CMTM8: variants seen among roughly 807,000 people sequenced by gnomAD.
CMTM8 encodes CKLF like MARVEL transmembrane domain containing 8, also known as CKLF-like MARVEL transmembrane domain-containing protein 8.
A neutral mutation model predicts 18.6 loss-of-function variants in CMTM8; 12 were observed. The observed-to-expected ratio is 0.65, with a 90% CI of 0.41 to 1.05. CMTM8 has a LOEUF of 1.05. Among genes scored for constraint, CMTM8 ranks in the 50% least tolerant of loss-of-function variants. CMTM8 has a pLI of 0.00. For synonymous variants in CMTM8, 87 were observed against 90.6 expected, an observed-to-expected ratio of 0.96 and a Z score of 0.23; for missense variants, 217 against 227.2, an observed-to-expected ratio of 0.95 and a Z score of 0.29.
At chr3:32,325,554 G>A (rs1395200539) in intron 1 of CMTM8, among the ~76,000 whole-genome samples, 1 of 152,094 alleles carries the variant, frequency 6.6e-6, no homozygotes, top group East Asian at 1.9e-4. Flanking sequence ...ACTATCTCAC[G>A]CCTCTGAGAG....
intron 1 of CMTM8, among the ~76,000 whole-genome samples, chr3:32,314,355 C>G (rs1559377365): frequency 6.6e-6 from 1 of 152,058 alleles, no homozygotes; most frequent in Non-Finnish European, 1.5e-5. Flanking sequence ...CCAGTGGCTG[C>G]TCTGCAGAAA....
chr3:32,279,861 G>A (rs1702579623), intron 1 of CMTM8, among the ~76,000 whole-genome samples: 1 of 143,172 alleles, frequency 7.0e-6, no homozygotes, highest in African/African-American at 2.6e-5. Context: ...ACTTTTTAAT[G>A]ATTGCCATTC....
chr3:32,247,795 C>T (rs1461305935), intron 1 of CMTM8, among the ~76,000 whole-genome samples: 1 of 152,214 alleles, frequency 6.6e-6, no homozygotes, highest in Non-Finnish European at 1.5e-5. Context: ...TTTGAAATGT[C>T]TTCCTACTGT....
chr3:32,363,969 A>G (rs1250098172), intron 2 of CMTM8, among the ~76,000 whole-genome samples: 3 of 152,172 alleles, frequency 2.0e-5, no homozygotes. Flanking sequence ...CCCAGACCCA[A>G]TCTCTTCTGT....
At chr3:32,318,819 A>C (rs968352740) in intron 1 of CMTM8, among the ~76,000 whole-genome samples, 1 of 151,078 alleles carries the variant, frequency 6.6e-6, no homozygotes, top group Non-Finnish European at 1.5e-5. Context: ...CACCCGCCTC[A>C]GCCTCCCAAA....
intron 2 of CMTM8, among the ~76,000 whole-genome samples, chr3:32,365,388 C>T (rs1181588767): frequency 6.6e-6 from 1 of 151,664 alleles, no homozygotes; most frequent in South Asian, 2.1e-4. Context: ...CTCCTCCCTT[C>T]CTCCAAAAAA....
At chr3:32,365,515 G>A (rs1247224742) in intron 2 of CMTM8, among the ~76,000 whole-genome samples, 1 of 151,980 alleles carries the variant, frequency 6.6e-6, no homozygotes, top group Non-Finnish European at 1.5e-5. Flanking sequence ...GCGTGATCTC[G>A]GCTCACTGCA....
chr3:32,317,525 A>C (rs925918416), intron 1 of CMTM8, among the ~76,000 whole-genome samples: 22 of 152,224 alleles, frequency 1.4e-4, no homozygotes, highest in Admixed American at 8.5e-4. Context: ...AAACTTTATG[A>C]AAGTCAGTTT....
chr3:32,292,314 A>G (rs1291356075), intron 1 of CMTM8, among the ~76,000 whole-genome samples: 1 of 152,204 alleles, frequency 6.6e-6, no homozygotes, highest in Admixed American at 6.5e-5. Flanking sequence ...CTCCTCTCGT[A>G]TAGATGCCTC....
intron 1 of CMTM8, among the ~76,000 whole-genome samples, chr3:32,299,136 G>A (rs1431460260): frequency 6.6e-6 from 1 of 151,600 alleles, no homozygotes; most frequent in African/African-American, 2.4e-5. Flanking sequence ...AAAGAGTCCT[G>A]ACGTATTTTC....
At chr3:32,305,463 A>G (rs571961433) in intron 1 of CMTM8, among the ~76,000 whole-genome samples, 1 of 152,330 alleles carries the variant, frequency 6.6e-6, no homozygotes, top group East Asian at 1.9e-4. Context: ...TTTTACTGAC[A>G]AATATGTGCA....
intron 1 of CMTM8, among the ~76,000 whole-genome samples, chr3:32,247,395 T>C (rs1179670760): frequency 6.6e-6 from 1 of 152,136 alleles, no homozygotes; most frequent in East Asian, 1.9e-4. Context: ...TCACTGCAAC[T>C]TCCGCCTCCC....
At chr3:32,279,911 G>A (rs912744817) in intron 1 of CMTM8, among the ~76,000 whole-genome samples, 2 of 150,036 alleles carry the variant, frequency 1.3e-5, no homozygotes, top group Non-Finnish European at 3.0e-5. Flanking sequence ...GTTTTGATTT[G>A]CATTTCTCTG....
At chr3:32,313,843 A>G (rs1575172019) in intron 1 of CMTM8, among the ~76,000 whole-genome samples, 1 of 152,216 alleles carries the variant, frequency 6.6e-6, no homozygotes, top group Admixed American at 6.5e-5. Flanking sequence ...TCACACGACC[A>G]GGAAAGATTA....
At chr3:32,363,575 G>C (rs142304918) in intron 2 of CMTM8, among the ~76,000 whole-genome samples, 2 of 152,222 alleles carry the variant, frequency 1.3e-5, no homozygotes, top group Non-Finnish European at 2.9e-5. Flanking sequence ...GCAGGAGACA[G>C]CCAGCAGCTC....
chr3:32,364,755 C>T (rs1373057254), intron 2 of CMTM8, among the ~76,000 whole-genome samples: 1 of 152,188 alleles, frequency 6.6e-6, no homozygotes, highest in Non-Finnish European at 1.5e-5. Context: ...ATCTTGCCTT[C>T]TTAGCTGTCT....
At chr3:32,336,484 G>A (rs781770638) in intron 1 of CMTM8, among the ~76,000 whole-genome samples, 6 of 152,244 alleles carry the variant, frequency 3.9e-5, no homozygotes, top group Non-Finnish European at 8.8e-5. Context: ...ACATGGTTTT[G>A]AACATAGCCT....
At chr3:32,315,045 G>A (rs922377608) in intron 1 of CMTM8, among the ~76,000 whole-genome samples, 1 of 151,946 alleles carries the variant, frequency 6.6e-6, no homozygotes, top group African/African-American at 2.4e-5. Flanking sequence ...TGAGCCTTTG[G>A]TCATTGGTTC....
chr3:32,250,813 G>A (rs1039384700), intron 1 of CMTM8, among the ~76,000 whole-genome samples: 1 of 151,044 alleles, frequency 6.6e-6, no homozygotes, highest in Non-Finnish European at 1.5e-5. Context: ...GGCTGGTCTC[G>A]AACCCCTGAG....
Sources: gnomAD v4.1 joint callset for allele counts (sites outside exome capture counted in the v4.1 genomes callset) on GRCh38, gnomAD v4.1.1 for gene constraint, MANE v1.5 for transcripts, NCBI Gene and HGNC (gene_info 2026-07-23, HGNC 2026-07-21) for gene names.